The following MSL3 variants were observed in gnomAD, a reference collection of about 807,000 sequenced individuals.
MSL3 encodes MSL3-like 1.
In MSL3, 5 loss-of-function variants were observed where a neutral mutation model predicts 37.2. The observed-to-expected ratio is 0.13, with a 90% confidence interval of 0.07 to 0.28. The LOEUF is 0.28. MSL3 is among the 10% of genes least tolerant of loss of function. The pLI is 1.00. For synonymous variants in MSL3, 149 were observed against 147.6 expected, an observed-to-expected ratio of 1.01 and a Z score of -0.07; for missense variants, 315 against 408.5, an observed-to-expected ratio of 0.77 and a Z score of 1.97.
chrX:11,761,120 C>T, intron 4 of MSL3, 183 bp downstream of exon 4: 1 of 414,251 alleles, frequency 2.4e-6, no homozygotes, highest in South Asian at 4.7e-5. Context: ...AGAACGTTAG[C>T]AGAGTCATGC....
rs776227428 is a variant in MSL3, at chrX:11,758,875, C to T, written c.102+510C>T. 2.0e-3 allele frequency: 1,708 copies of T among 875,522 alleles called. 7 individuals are homozygous for T. The highest frequency in any genetic ancestry group is 1.7e-3 in the Non-Finnish European group (1,076 of 631,573). 72.2% of individuals were successfully genotyped at this position (875,522 alleles called of 1,213,427 possible). A position where few individuals can be genotyped will look rare whatever the true frequency, so the allele number is the denominator to read the frequency against. On this transcript the variant is annotated intron_variant, in intron 1 of 12. Transcript: ENST00000312196. The stretch of plus-strand genomic sequence containing the variant: ...CCCATCCCGCCTGTAGGCCGTGAAC[C>T]CCATCCCGAGGGCAAGGTTGGCCCA...
chrX:11,766,915 C>T (rs1479804774), intron 9 of MSL3: 1 of 753,109 alleles, frequency 1.3e-6, no homozygotes, highest in African/African-American at 2.3e-5. Flanking sequence ...CCCCATGCCC[C>T]AGTAGGTGTA....
At chrX:11,770,410 T>C (rs982891704) in intron 10 of MSL3, among the ~76,000 whole-genome samples, 1 of 112,091 alleles carries the variant, frequency 8.9e-6, no homozygotes, top group Non-Finnish European at 1.9e-5. Context: ...AGTTGTCAAG[T>C]AAGGGCTATT....
At chrX:11,762,007 A>G in intron 5 of MSL3, 123 bp from the exon 6 acceptor site, 4 of 538,668 alleles carry the variant, frequency 7.4e-6, no homozygotes, top group South Asian at 4.9e-5. Flanking sequence ...CATACTTTTA[A>G]TTAGAACACG....
intron 10 of MSL3, 113 bp downstream of exon 10, chrX:11,768,795 A>G (rs1345754787): frequency 5.9e-6 from 3 of 504,422 alleles, no homozygotes; most frequent in Non-Finnish European, 1.0e-5. Context: ...TACTGTAAAC[A>G]TTATCAAAAT....
chrX:11,767,933 G>GT (rs1324753519), intron 9 of MSL3: 1 of 752,239 alleles, frequency 1.3e-6, no homozygotes, highest in African/African-American at 2.3e-5. Flanking sequence ...TAAAAAGACT[G>GT]TTTTTAAAAA....
chrX:11,759,353 G>C (rs972652979), intron 1 of MSL3, among the ~76,000 whole-genome samples: 18 of 111,931 alleles, frequency 1.6e-4, no homozygotes, highest in East Asian at 2.8e-4. Flanking sequence ...GGGGCGGAGG[G>C]GGGGGGGCAC....
intron 7 of MSL3, 59 bp from the exon 8 acceptor site, chrX:11,763,721 G>A: frequency 9.4e-7 from 1 of 1,062,798 alleles, no homozygotes; most frequent in Non-Finnish European, 1.3e-6. Context: ...ACTTCATTGT[G>A]AACATTTGGA....
rs1601771346 is a variant in MSL3, at chrX:11,767,918, A to G, written c.1172-655A>G. ...AGATTGAAAAGGGTCAGCTGGGAAA[A>G]TTTTTAAAAAGACTGTTTTTAAAAA... On this transcript the variant is annotated intron_variant, in intron 9 of 12. Transcript: ENST00000312196. 6.6e-6 allele frequency: 5 copies of G among 754,398 alleles called. 1 individual carries two copies. The highest frequency in any genetic ancestry group is 3.1e-6 in the Non-Finnish European group (2 of 639,297). 62.2% of individuals were successfully genotyped at this position (754,398 alleles called of 1,213,427 possible).
intron 7 of MSL3, 131 bp downstream of exon 7, chrX:11,763,128 T>C (rs1441081859): frequency 1.3e-5 from 7 of 550,760 alleles, no homozygotes; most frequent in Non-Finnish European, 1.9e-5. Flanking sequence ...TTATTGATAA[T>C]TCATTGAATC....
chrX:11,760,990 A>G (rs1369855147), intron 4 of MSL3, 53 bp downstream of exon 4: 1 of 869,465 alleles, frequency 1.2e-6, no homozygotes, highest in Non-Finnish European at 1.6e-6. Flanking sequence ...ACCTAGACTG[A>G]GAGAAGGATT....
In MSL3 at chrX:11,761,532, A is replaced by G; in HGVS notation, c.415A>G (p.Lys139Glu). 2 of 1,202,160 alleles carry G rather than the reference A, an allele frequency of 1.7e-6. No individual in the cohort carries two copies. The highest frequency in any genetic ancestry group is 2.2e-6 in the Non-Finnish European group (2 of 889,739). Residue 139 changes from lysine to glutamate, a missense_variant, in exon 5 of 13, where the codon AAG becomes GAG. Coordinates refer to ENST00000312196, the MANE Select transcript of MSL3 (RefSeq NM_078629.4). ...CAGTTCCTCTGACTGTAGTGAAAAC[A>G]AGGATGAAGAAATAAGTGAAGAAAG... ...LSSSSDCSEN[K>E]DEEISEESDI... is the part of the protein sequence containing the mutation.
At chrX:11,764,021 G>T in intron 8 of MSL3, 83 bp downstream of exon 8, 3 of 854,262 alleles carry the variant, frequency 3.5e-6, no homozygotes, top group South Asian at 2.9e-5. Flanking sequence ...TCAATCTGAT[G>T]GTGTGGGCCA....
chrX:11,765,794 C>A, intron 9 of MSL3, 65 bp downstream of exon 9: 1 of 1,185,460 alleles, frequency 8.4e-7, no homozygotes, highest in South Asian at 1.9e-5. Context: ...TTAGTCAGTG[C>A]CAGGCATGGT....
At chrX:11,761,133 G>T (rs1376471340) in intron 4 of MSL3, 196 bp downstream of exon 4, 22 of 405,936 alleles carry the variant, frequency 5.4e-5, no homozygotes, top group Non-Finnish European at 8.6e-6. Flanking sequence ...AGTCATGCTT[G>T]TGACTACTGC....
chrX:11,768,177 A>AC (rs200665316), intron 9 of MSL3: 62 of 129,427 alleles, frequency 4.8e-4, no homozygotes, highest in African/African-American at 9.0e-4. Context: ...CATTTTCAGC[A>AC]CCCCCCCACG....
chrX:11,767,920 T>G, intron 9 of MSL3: 1 of 754,444 alleles, frequency 1.3e-6, no homozygotes, highest in Non-Finnish European at 1.6e-6. Flanking sequence ...CTGGGAAAAT[T>G]TTTAAAAAGA....
upstream of MSL3, chrX:11,758,180 CACCG>C: frequency 5.4e-6 from 1 of 183,931 alleles, no homozygotes; most frequent in Non-Finnish European, 9.1e-6. Context: ...GGCCACGGCG[CACCG>C]CCTCCCCGCC....
At position 11,760,899 on chromosome X, in the gene MSL3, G is replaced by T. The variant is rs761524573; in HGVS notation, c.344G>T (p.Gly115Val). ...CCTGGTGTGGACTCTGTCTTAAAAG[G>T]CCTCCCCACTGAAGAAAAAGATGAA... ...RLPGVDSVLK[G>V]LPTEEKDEND... Residue 115 changes from glycine (G) to valine (V), a missense_variant, in exon 4 of 13, where the codon GGC becomes GTC. Coordinates refer to ENST00000312196, the MANE Select transcript of MSL3 (RefSeq NM_078629.4). The T allele has an allele frequency of 5.0e-6, 6 of 1,198,694 alleles. No homozygotes were observed. Among genetic ancestry groups the T allele is most frequent in the African/African-American group, 1.8e-5 (1 of 56,859 alleles).
Sources: allele counts gnomAD v4.1 joint callset (sites outside exome capture counted in the v4.1 genomes callset), GRCh38; gene constraint gnomAD v4.1.1; transcripts MANE v1.5; gene names NCBI Gene and HGNC (gene_info 2026-07-23, HGNC 2026-07-21).